Variants in PDE4D observed in about 807,000 individuals in gnomAD.
The protein encoded by PDE4D is phosphodiesterase 4D.
Under a neutral mutation model 87.4 loss-of-function variants are expected in PDE4D, and 24 were observed. That is an observed-to-expected ratio of 0.27 (90% CI 0.20 to 0.39). PDE4D has a LOEUF of 0.39. Among genes scored for constraint, PDE4D ranks in the 10% least tolerant of loss-of-function variants. The pLI, the probability that PDE4D is intolerant of heterozygous loss-of-function variation, is 1.00. For synonymous variants in PDE4D, 384 were observed against 383.2 expected (o/e 1.00, Z -0.02); for missense variants, 714 against 1,041.0 (o/e 0.69, Z 4.32).
intron 1 of PDE4D, among the ~76,000 whole-genome samples, chr5:59,255,364 A>AG (rs1760770997): frequency 6.6e-6 from 1 of 152,116 alleles, no homozygotes; most frequent in South Asian, 2.1e-4. Context: ...GGCAAATTAT[A>AG]GAGGAAAAAA....
chr5:59,883,055 A>G (rs1418765861), intron 1 of PDE4D, among the ~76,000 whole-genome samples: 1 of 152,188 alleles, frequency 6.6e-6, no homozygotes, highest in Non-Finnish European at 1.5e-5. Flanking sequence ...TTGGGATTAC[A>G]GGCGTGAGCC....
chr5:60,112,172 C>T (rs1777749735), intron 2 of PDE4D, among the ~76,000 whole-genome samples: 1 of 152,002 alleles, frequency 6.6e-6, no homozygotes, highest in Admixed American at 6.6e-5. Context: ...AGAAGAGCTG[C>T]CATTATATTT....
intron 1 of PDE4D, among the ~76,000 whole-genome samples, chr5:60,258,369 C>A (rs1384159164): frequency 1.3e-5 from 2 of 151,818 alleles, no homozygotes; most frequent in Non-Finnish European, 2.9e-5. Flanking sequence ...AAAGATTTGA[C>A]CTCAGTAATA....
intron 1 of PDE4D, among the ~76,000 whole-genome samples, chr5:60,354,114 A>G (rs1759420316): frequency 6.6e-6 from 1 of 152,188 alleles, no homozygotes; most frequent in African/African-American, 2.4e-5. Context: ...AATGTTCCAA[A>G]TCAAACCTTG....
chr5:60,019,971 C>T (rs1186482067), intron 2 of PDE4D, among the ~76,000 whole-genome samples: 1 of 152,010 alleles, frequency 6.6e-6, no homozygotes, highest in Non-Finnish European at 1.5e-5. Flanking sequence ...CAGCTTTCAA[C>T]GTGCCTTCCT....
intron 1 of PDE4D, among the ~76,000 whole-genome samples, chr5:59,831,863 T>C (rs144686741): frequency 9.6e-4 from 146 of 152,014 alleles, no homozygotes; most frequent in African/African-American, 3.4e-3. Flanking sequence ...ACATATCAGA[T>C]AAAAAGAAGA....
At chr5:59,778,135 G>A (rs866257393) in intron 1 of PDE4D, among the ~76,000 whole-genome samples, 1 of 152,106 alleles carries the variant, frequency 6.6e-6, no homozygotes, top group Non-Finnish European at 1.5e-5. Flanking sequence ...GTGTATCTGG[G>A]GATACAAGAT....
At chr5:60,134,972 G>T (rs993418362) in intron 2 of PDE4D, among the ~76,000 whole-genome samples, 5 of 152,154 alleles carry the variant, frequency 3.3e-5, no homozygotes, top group Non-Finnish European at 7.4e-5. Context: ...CTGCTCTGAA[G>T]TAAGCTCACA....
Position 58,981,256 on chromosome 5 carries a change from T to A in PDE4D, c.1553-3911A>T, listed in dbSNP as rs1440422594. On this transcript the variant is annotated intron_variant, in intron 11 of 14. Transcript: ENST00000340635. ...CTTGTCACCCTGGTACCCATAAGCATCTCCTTTAACCATATTTAATCTCCA... is the reference window on the plus strand; with the variant it reads ...CTTGTCACCCTGGTACCCATAAGCAACTCCTTTAACCATATTTAATCTCCA... Among the ~76,000 whole-genome samples the A allele has an allele frequency of 2.0e-5, 3 of 152,028 alleles. No individual in the cohort carries two copies. The East Asian group carries it at 5.8e-4, about 29-fold the overall frequency.
chr5:59,893,781 G>A, upstream of PDE4D: 1 of 1,338,424 alleles, frequency 7.5e-7, no homozygotes. Context: ...GAGCCTCAGG[G>A]CTACCGAGAG....
intron 1 of PDE4D, among the ~76,000 whole-genome samples, chr5:59,418,284 T>G (rs1793939977): frequency 6.6e-6 from 1 of 152,182 alleles, no homozygotes. Context: ...TCATTCTCCT[T>G]TTCCTGTTTT....
chr5:59,116,908 G>T (rs1478323593), intron 5 of PDE4D, among the ~76,000 whole-genome samples: 1 of 152,196 alleles, frequency 6.6e-6, no homozygotes. Context: ...TTTCAAGAAA[G>T]ATGACTTTCT....
At chr5:60,313,542 C>CA (rs1261679024) in intron 1 of PDE4D, among the ~76,000 whole-genome samples, 10 of 152,054 alleles carry the variant, frequency 6.6e-5, no homozygotes, top group Admixed American at 2.6e-4. Flanking sequence ...TGAAACTATT[C>CA]AAAAAAACTG....
intron 5 of PDE4D, among the ~76,000 whole-genome samples, chr5:59,057,953 A>G (rs182703947): frequency 4.3e-4 from 66 of 152,324 alleles, no homozygotes; most frequent in Middle Eastern, 6.8e-3. Context: ...ATTATGTTTG[A>G]TGCATGAGAA....
At chr5:60,219,291 G>C (rs973672641) in intron 1 of PDE4D, among the ~76,000 whole-genome samples, 4 of 152,130 alleles carry the variant, frequency 2.6e-5, no homozygotes, top group African/African-American at 9.7e-5. Context: ...TGTTACAATA[G>C]ATGTATGACT....
rs115171918 is a variant in PDE4D at position 59,111,863 on chromosome 5, C to T, written c.808+68732G>A. 3.6e-3 allele frequency among the ~76,000 whole-genome samples: 541 copies of T among 152,284 alleles called. 6 individuals carry two copies. Among genetic ancestry groups the T allele is most frequent in the African/African-American group, 0.012 (504 of 41,552 alleles). ...TTTATTCAAGAATGTACTGAGCAAC[C>T]TAGCATGGCTGAGGCACTGTTGTGT... On this transcript the variant is annotated intron_variant, in intron 5 of 14. Coordinates refer to ENST00000340635, the MANE Select transcript of PDE4D (RefSeq NM_001104631.2).
intron 1 of PDE4D, among the ~76,000 whole-genome samples, chr5:60,186,565 G>A (rs1384252257): frequency 6.6e-6 from 1 of 152,054 alleles, no homozygotes; most frequent in East Asian, 1.9e-4. Flanking sequence ...TTACTGTAAG[G>A]GAAAGAGGAT....
chr5:59,005,712 A>G (rs1318917431), intron 6 of PDE4D, among the ~76,000 whole-genome samples: 1 of 152,240 alleles, frequency 6.6e-6, no homozygotes, highest in Admixed American at 6.5e-5. Context: ...TCTTGGCAAC[A>G]TTCTGATAAG....
intron 2 of PDE4D, among the ~76,000 whole-genome samples, chr5:60,053,660 G>A (rs1240420708): frequency 6.6e-6 from 1 of 152,124 alleles, no homozygotes; most frequent in African/African-American, 2.4e-5. Context: ...AACACCAAAA[G>A]CAATGGCCAC....
Sources: allele counts gnomAD v4.1 joint callset (sites outside exome capture counted in the v4.1 genomes callset), GRCh38; gene constraint gnomAD v4.1.1; transcripts MANE v1.5; gene names NCBI Gene and HGNC (gene_info 2026-07-23, HGNC 2026-07-21).